CANT1: variants seen among roughly 807,000 people sequenced by gnomAD.
CANT1 encodes the protein calcium activated nucleotidase 1.
In CANT1, 26 loss-of-function variants were observed where a neutral mutation model predicts 30.0. The ratio of observed to expected loss-of-function variants is 0.87; its 90% CI spans 0.64 to 1.20. CANT1 has a LOEUF of 1.20. Among genes scored for constraint, CANT1 ranks in the 50% most tolerant of loss-of-function variants. The pLI, the probability that CANT1 is intolerant of heterozygous loss-of-function variation, is 0.00. For missense variants in CANT1, 518 were observed against 563.0 expected, an observed-to-expected ratio of 0.92 and a Z score of 0.81; for synonymous variants, 246 against 251.8, an observed-to-expected ratio of 0.98 and a Z score of 0.22.
intron 1 of CANT1, among the ~76,000 whole-genome samples, chr17:79,001,373 C>T (rs980328957): frequency 9.9e-5 from 15 of 152,266 alleles, no homozygotes; most frequent in Middle Eastern, 3.4e-3. Flanking sequence ...GGTCAGTCCC[C>T]CCAGCCGCCG....
At chr17:79,007,824 G>GTT (rs2145860823) in intron 1 of CANT1, among the ~76,000 whole-genome samples, 1 of 152,338 alleles carries the variant, frequency 6.6e-6, no homozygotes, top group African/African-American at 2.4e-5. Flanking sequence ...AGCCTAAGGG[G>GTT]AAGAAAGGAG....
In CANT1 at chr17:78,995,235, G is replaced by A. The variant is rs1249490540; in HGVS notation, c.632-14C>T. ...CGGCCTTGAAGCCTGGCCAAGCAGAGTGTCCTTAGGCCCCGCACCCAGCTC... is the reference window on the plus strand; with the variant it reads ...CGGCCTTGAAGCCTGGCCAAGCAGAATGTCCTTAGGCCCCGCACCCAGCTC... On this transcript the variant is annotated splice_polypyrimidine_tract_variant and intron_variant, in intron 3 of 4. Transcript: ENST00000392446. The surrounding 1 kb of genome is among the most constrained non-coding windows in gnomAD (Gnocchi z 5.7). 6.2e-7 allele frequency: 1 copy of A among 1,611,064 alleles called. No individual in the cohort carries two copies. Among genetic ancestry groups the A allele is most frequent in the Non-Finnish European group, 8.5e-7 (1 of 1,179,418 alleles).
intron 1 of CANT1, among the ~76,000 whole-genome samples, chr17:79,001,863 T>C (rs2071275024): frequency 6.6e-6 from 1 of 152,044 alleles, no homozygotes; most frequent in South Asian, 2.1e-4. Context: ...CCTCATCCGA[T>C]ACCCACAGGC....
At chr17:79,001,274 C>CA (rs2071251085) in intron 1 of CANT1, among the ~76,000 whole-genome samples, 1 of 152,154 alleles carries the variant, frequency 6.6e-6, no homozygotes, top group Admixed American at 6.5e-5. Flanking sequence ...CCATTCCTGT[C>CA]AAATCTCCGG....
rs980361277 is a variant in CANT1 at position 78,997,291 on chromosome 17, G to A, written c.332C>T (p.Ala111Val). ...AGIRYRIAVIADLDTESRAQE... is the reference protein window; with the variant it reads ...AGIRYRIAVIVDLDTESRAQE... ...GGCCCTTGACTCTGTGTCCAGGTCT[G>A]CGATAACTGCGATTCGATACCGAAT... The change falls in exon 3 of 5, where the codon GCA (alanine) becomes GTA (valine). Residue 111 changes from alanine to valine, a missense_variant. By Grantham distance (64) the Ala-to-Val change is moderately conservative. Coordinates refer to ENST00000392446, the MANE Select transcript of CANT1 (RefSeq NM_001159773.2). The surrounding 1 kb of genome is among the most constrained non-coding windows in gnomAD (Gnocchi z 7.5). 1 of 1,614,214 alleles carries A rather than the reference G, an allele frequency of 6.2e-7. No individual in the cohort carries two copies. Among genetic ancestry groups the A allele is most frequent in the Non-Finnish European group, 8.5e-7 (1 of 1,180,046 alleles).
chr17:78,994,835 G>A (rs1254484649), intron 4 of CANT1, among the ~76,000 whole-genome samples, 183 bp downstream of exon 4: 3 of 152,202 alleles, frequency 2.0e-5, no homozygotes, highest in South Asian at 2.1e-4. Flanking sequence ...CAGAAAAATC[G>A]TTTGAACCCA....
chr17:79,005,152 T>G (rs1599250966), intron 1 of CANT1, among the ~76,000 whole-genome samples: 2 of 45,786 alleles, frequency 4.4e-5, no homozygotes, highest in East Asian at 9.6e-4. Context: ...AGGGGGGAGT[T>G]AGGGAGAGGA....
In CANT1 at chr17:78,991,955, C is replaced by T. The variant is rs1028220573; in HGVS notation, c.*1595G>A. On this transcript the variant is annotated 3_prime_UTR_variant, in exon 5 of 5. Transcript: ENST00000392446. ...CCACAGTCCCAAGTCCCCCAACCTT[C>T]CTGATTGCATCTCTATTTTAAATGA... The T allele has an allele frequency of 4.3e-6, 1 of 231,916 alleles. No homozygotes were observed. The highest frequency in any genetic ancestry group is 8.5e-6 in the Non-Finnish European group (1 of 117,242). The allele number at this position is 231,916 out of a possible 1,614,324, so 14.4% of individuals were successfully genotyped here. A position where few individuals can be genotyped will look rare whatever the true frequency, so the allele number is the denominator to read the frequency against.
intron 1 of CANT1, among the ~76,000 whole-genome samples, chr17:79,009,463 T>A (rs2071669506): frequency 6.6e-6 from 1 of 152,208 alleles, no homozygotes; most frequent in South Asian, 2.1e-4. Flanking sequence ...AGAAGGGGAC[T>A]TTCCCACAGG....
At chr17:79,003,603 G>T (rs1375727134) in intron 1 of CANT1, among the ~76,000 whole-genome samples, 3 of 152,122 alleles carry the variant, frequency 2.0e-5, no homozygotes, top group Non-Finnish European at 4.4e-5. Context: ...CAGTTTAAAT[G>T]CTCGCTTTAT....
In CANT1 at chr17:78,996,949, C is replaced by T. The variant is rs2071053694; in HGVS notation, c.631+43G>A. 1.9e-6 allele frequency: 3 copies of T among 1,610,930 alleles called. No homozygotes were observed. The highest frequency in any genetic ancestry group is 1.6e-4 in the Middle Eastern group (1 of 6,062). On this transcript the variant is annotated intron_variant, in intron 3 of 4. Transcript: ENST00000392446. The surrounding 1 kb of genome is among the most constrained non-coding windows in gnomAD (Gnocchi z 5.1). ...GTTTGCCAGCCAGGCCCTGAGCTCC[C>T]ACTCCCCACCCACACCTCCATAAAA...
rs376806775 is a variant in CANT1 at position 78,993,993 on chromosome 17, C to G, written c.836-73G>C. On this transcript the variant is annotated intron_variant, in intron 4 of 4. Coordinates refer to ENST00000392446, the MANE Select transcript of CANT1 (RefSeq NM_001159773.2). The surrounding 1 kb of genome is among the most constrained non-coding windows in gnomAD (Gnocchi z 4.5). ...CCCAGCCCCACACCATCAGGCCGTG[C>G]GCAGTAGCAGGCAAGGGGCTGCGAC... is the stretch of plus-strand genomic sequence containing the variant. 3 of 1,501,058 alleles carry G rather than the reference C, an allele frequency of 2.0e-6. No individual in the cohort carries two copies. In the East Asian group the frequency reaches 7.4e-5, roughly 37 times the overall value. 93.0% of individuals were successfully genotyped at this position (1,501,058 alleles called of 1,614,324 possible). A position where few individuals can be genotyped will look rare whatever the true frequency, so the allele number is the denominator to read the frequency against.
In CANT1 at chr17:78,998,626, C is replaced by T. The variant is rs2071126736; in HGVS notation, c.-146-663G>A. 7.9e-5 allele frequency among the ~76,000 whole-genome samples: 12 copies of T among 152,378 alleles called. No individual in the cohort carries two copies. Among genetic ancestry groups the T allele is most frequent in the Middle Eastern group, 3.4e-3 (1 of 294 alleles). On this transcript the variant is annotated intron_variant, in intron 1 of 4. Coordinates refer to ENST00000392446, the MANE Select transcript of CANT1 (RefSeq NM_001159773.2). The surrounding 1 kb of genome is among the most constrained non-coding windows in gnomAD (Gnocchi z 4.5). ...TCACTGCTGTCGCCAAGCCCACTTC[C>T]CGGGCATACAGCATGATGGCTCAGT...
chr17:79,001,111 C>T (rs776242972), intron 1 of CANT1, among the ~76,000 whole-genome samples: 1 of 152,200 alleles, frequency 6.6e-6, no homozygotes, highest in African/African-American at 2.4e-5. Context: ...GCTGCAGGCC[C>T]GGGAAGACGG....
At position 78,993,694 on chromosome 17, in the gene CANT1, G is replaced by T; in HGVS notation, c.1062C>A (p.Asp354Glu). 7.4e-6 allele frequency: 12 copies of T among 1,614,236 alleles called. No homozygotes were observed. Among genetic ancestry groups the T allele is most frequent in the Non-Finnish European group, 1.0e-5 (12 of 1,180,046 alleles). Reference sequence around the variant, plus strand: ...ATTTGAGGGCCACAATGATCTGGTCGTCGGTGTTGGGGATGAACTTGAAGG... The same window carrying T: ...ATTTGAGGGCCACAATGATCTGGTCTTCGGTGTTGGGGATGAACTTGAAGG... ...FSSFKFIPNTDDQIIVALKSE... is the reference protein window; with the variant it reads ...FSSFKFIPNTEDQIIVALKSE... The change falls in exon 5 of 5, where the codon GAC (aspartate) becomes GAA (glutamate). Residue 354 changes from aspartate to glutamate, a missense_variant. By Grantham distance (45) the Asp-to-Glu change is conservative. Transcript: ENST00000392446. This position sits in a 1 kb window ranked among gnomAD's most constrained non-coding sequence, Gnocchi z 4.5.
At position 78,995,323 on chromosome 17, in the gene CANT1, A is replaced by C. The variant is rs530306009; in HGVS notation, c.632-102T>G. The stretch of plus-strand genomic sequence containing the variant: ...CACCTGTCCTTAGACCCCGCACCTG[A>C]CTCCCGCCCGGCTCCACACCTGCCT... On this transcript the variant is annotated intron_variant, in intron 3 of 4. Coordinates refer to ENST00000392446, the MANE Select transcript of CANT1 (RefSeq NM_001159773.2). This position sits in a 1 kb window ranked among gnomAD's most constrained non-coding sequence, Gnocchi z 5.7. 104 of 1,255,336 alleles carry C rather than the reference A, an allele frequency of 8.3e-5. No individual in the cohort carries two copies. The highest frequency in any genetic ancestry group is 2.6e-4 in the Middle Eastern group (1 of 3,842). The allele number at this position is 1,255,336 out of a possible 1,614,324, so 77.8% of individuals were successfully genotyped here.
chr17:79,007,033 C>G (rs2071577759), intron 1 of CANT1, among the ~76,000 whole-genome samples: 2 of 152,234 alleles, frequency 1.3e-5, no homozygotes, highest in Non-Finnish European at 2.9e-5. Flanking sequence ...GACTTCAACG[C>G]CTTCTTCACT....
chr17:79,004,032 G>T (rs1599243051), intron 1 of CANT1, among the ~76,000 whole-genome samples: 1 of 50,112 alleles, frequency 2.0e-5, no homozygotes, highest in Non-Finnish European at 4.5e-5. Context: ...TAGGGAGAGG[G>T]GAGTTAGTGA....
In CANT1 at chr17:78,996,053, A is replaced by G. The variant is rs2071025129; in HGVS notation, c.632-832T>C. Among the ~76,000 whole-genome samples, 2 of 152,130 alleles carry G rather than the reference A, an allele frequency of 1.3e-5. No individual in the cohort carries two copies. The highest frequency in any genetic ancestry group is 1.3e-4 in the Admixed American group (2 of 15,282). On this transcript the variant is annotated intron_variant, in intron 3 of 4. Coordinates refer to ENST00000392446, the MANE Select transcript of CANT1 (RefSeq NM_001159773.2). The surrounding 1 kb of genome is among the most constrained non-coding windows in gnomAD (Gnocchi z 5.1). ...CCCTATCCAAGGGAAGGACAGAACT[A>G]CACTAGGGTTGCCTAAAACCCTGAC...
Sources: allele counts gnomAD v4.1 joint callset (sites outside exome capture counted in the v4.1 genomes callset), GRCh38; gene constraint gnomAD v4.1.1; non-coding constraint Gnocchi (gnomAD v3.1); transcripts MANE v1.5; gene names NCBI Gene and HGNC (gene_info 2026-07-23, HGNC 2026-07-21).